LAMA3: variants seen among roughly 807,000 people sequenced by gnomAD.
LAMA3 encodes laminin subunit alpha-3.
In LAMA3, 281 loss-of-function variants were observed where a neutral mutation model predicts 402.0. The ratio of observed to expected loss-of-function variants is 0.70; its 90% CI spans 0.63 to 0.77. The LOEUF is 0.77. Ranked by LOEUF, LAMA3 falls within the 30% of genes least tolerant of loss-of-function variation. The probability of loss-of-function intolerance (pLI) is 0.00; values close to 1 mark genes in which losing one functional copy is unlikely to be tolerated. For synonymous variants in LAMA3, 1,431 were observed against 1,558.4 expected, an observed-to-expected ratio of 0.92 and a Z score of 1.93; for missense variants, 3,840 against 4,215.5, an observed-to-expected ratio of 0.91 and a Z score of 2.47.
At chr18:23,799,925 G>C (rs1376957891) in intron 12 of LAMA3, among the ~76,000 whole-genome samples, 1 of 152,144 alleles carries the variant, frequency 6.6e-6, no homozygotes, top group Non-Finnish European at 1.5e-5. Context: ...TAGCCTTTTT[G>C]TCTTAAGACT....
chr18:23,837,539 T>C (rs972241544), intron 25 of LAMA3, among the ~76,000 whole-genome samples: 1 of 134,126 alleles, frequency 7.5e-6, no homozygotes. Context: ...ACTAAAAAAC[T>C]ATTTCAAAAA....
intron 15 of LAMA3, 54 bp downstream of exon 15, chr18:23,814,556 T>A: frequency 2.6e-6 from 3 of 1,153,408 alleles, no homozygotes; most frequent in Non-Finnish European, 3.9e-6. Flanking sequence ...CTTAATTTTC[T>A]CTGCCTCAGT....
At chr18:23,828,564 A>T (rs2063430866) in intron 23 of LAMA3, among the ~76,000 whole-genome samples, 1 of 152,144 alleles carries the variant, frequency 6.6e-6, no homozygotes, top group African/African-American at 2.4e-5. Flanking sequence ...ATACACGTAC[A>T]TATACAGGTA....
Position 23,931,119 on chromosome 18 carries a change from A to AG in LAMA3, c.8495dup (p.Ser2832ArgfsTer7). ...TTACATTGAATTGAGCACCAGCGAT[A>AG]GCGGCGGCCCAATTTTTAAATCTCC... On this transcript the variant is annotated frameshift_variant, in exon 65 of 75. Transcript: ENST00000313654. LOFTEE classifies it high-confidence loss of function. 6.2e-7 allele frequency: 1 copy of AG among 1,613,098 alleles called. No homozygotes were observed. Among genetic ancestry groups the AG allele is most frequent in the Non-Finnish European group, 8.5e-7 (1 of 1,179,018 alleles).
intron 12 of LAMA3, among the ~76,000 whole-genome samples, chr18:23,807,457 AGTGTGT>A (rs35332291): frequency 0.051 from 7,555 of 149,058 alleles, 438 homozygotes; most frequent in Admixed American, 0.18. Flanking sequence ...ATATTGTGTG[AGTGTGT>A]GTGTGTGTGT....
Position 23,827,562 on chromosome 18 carries a change from G to A in LAMA3, c.2823+95G>A, listed in dbSNP as rs2063409253. 4.4e-6 allele frequency: 6 copies of A among 1,358,690 alleles called. No homozygotes were observed. The South Asian group carries it at 7.6e-5, about 17-fold the overall frequency. The allele number at this position is 1,358,690 out of a possible 1,614,324, so 84.2% of individuals were successfully genotyped here. On this transcript the variant is annotated intron_variant, in intron 23 of 74. Transcript: ENST00000313654. ...GCCACAGTTGCTTCTCAAATTCAGG[G>A]GAACCTGGAAGAATTTCTCAGAGGT...
At chr18:23,811,262 C>T (rs186389812) in intron 13 of LAMA3, among the ~76,000 whole-genome samples, 26 of 152,252 alleles carry the variant, frequency 1.7e-4, no homozygotes, top group Admixed American at 1.7e-3. Flanking sequence ...ACCAGTAGCT[C>T]TTGTCAATTT....
intron 2 of LAMA3, among the ~76,000 whole-genome samples, chr18:23,727,427 G>A (rs1348188917): frequency 6.6e-6 from 1 of 152,160 alleles, no homozygotes; most frequent in African/African-American, 2.4e-5. Context: ...CTGGGTTCAA[G>A]CCATTTTCCT....
chr18:23,757,258 C>T (rs969912119), intron 6 of LAMA3, among the ~76,000 whole-genome samples: 2 of 152,064 alleles, frequency 1.3e-5, no homozygotes, highest in Non-Finnish European at 2.9e-5. Context: ...GCCTGGCTCA[C>T]GCTCCTGAGG....
At chr18:23,742,340 C>A (rs1185192500) in intron 2 of LAMA3, among the ~76,000 whole-genome samples, 1 of 152,076 alleles carries the variant, frequency 6.6e-6, no homozygotes, top group Non-Finnish European at 1.5e-5. Flanking sequence ...ACAAAAGAGA[C>A]CTGACGACTC....
At chr18:23,791,734 TAA>T (rs11348422) in intron 12 of LAMA3, among the ~76,000 whole-genome samples, 6,642 of 89,720 alleles carry the variant, frequency 0.074, 176 homozygotes, top group Non-Finnish European at 0.097. Context: ...AGAATTTGTC[TAA>T]AAAAAAAAAA....
chr18:23,758,130 TG>T (rs1464083388), intron 6 of LAMA3, among the ~76,000 whole-genome samples: 1 of 152,242 alleles, frequency 6.6e-6, no homozygotes, highest in African/African-American at 2.4e-5. Flanking sequence ...GTTGGAAGTC[TG>T]GCTCTCCATT....
chr18:23,900,252 G>A (rs2081025179), intron 47 of LAMA3, among the ~76,000 whole-genome samples: 2 of 152,072 alleles, frequency 1.3e-5, no homozygotes, highest in African/African-American at 4.8e-5. Context: ...TATATTTTTA[G>A]TAGAGACAGG....
At chr18:23,906,429 TTTAC>T (rs1336071095) in intron 52 of LAMA3, among the ~76,000 whole-genome samples, 1 of 152,206 alleles carries the variant, frequency 6.6e-6, no homozygotes, top group African/African-American at 2.4e-5. Context: ...TTTCATGTAT[TTTAC>T]TTACTTATTT....
chr18:23,895,143 A>C (rs1235698684), intron 44 of LAMA3, 85 bp downstream of exon 44: 1 of 1,464,744 alleles, frequency 6.8e-7, no homozygotes, highest in African/African-American at 1.4e-5. Flanking sequence ...GGAAAGGTTG[A>C]CTCCTGGAAA....
In LAMA3 at chr18:23,861,810, A is replaced by G; in HGVS notation, c.4584+3A>G. 1 of 1,611,548 alleles carries G rather than the reference A, an allele frequency of 6.2e-7. No homozygotes were observed. Among genetic ancestry groups the G allele is most frequent in the Non-Finnish European group, 8.5e-7 (1 of 1,178,644 alleles). The stretch of plus-strand genomic sequence containing the variant: ...CCACCTCCTACCTGGGGGACAAGGT[A>G]ATGATGTCCTGCTGTTCTTCTGGGC... On this transcript the variant is annotated splice_donor_region_variant and intron_variant, in intron 35 of 74. Transcript: ENST00000313654.
chr18:23,861,152 C>G (rs1458885883), intron 34 of LAMA3, among the ~76,000 whole-genome samples: 2 of 150,960 alleles, frequency 1.3e-5, no homozygotes, highest in Non-Finnish European at 2.9e-5. Context: ...TAATCCAATC[C>G]TATGCTTGCT....
At chr18:23,745,253 CAT>C (rs796426947) in intron 2 of LAMA3, among the ~76,000 whole-genome samples, 7 of 151,952 alleles carry the variant, frequency 4.6e-5, no homozygotes, top group African/African-American at 1.7e-4. Context: ...AGGTGAAAAG[CAT>C]ATGAGTATTC....
chr18:23,807,090 A>G (rs2062976865), intron 12 of LAMA3, among the ~76,000 whole-genome samples: 2 of 152,148 alleles, frequency 1.3e-5, no homozygotes, highest in Non-Finnish European at 1.5e-5. Flanking sequence ...TGCTTTATTC[A>G]CTATTGGAAC....
Sources: gnomAD v4.1 joint callset for allele counts (sites outside exome capture counted in the v4.1 genomes callset) on GRCh38, gnomAD v4.1.1 for gene constraint, MANE v1.5 for transcripts, NCBI Gene and HGNC (gene_info 2026-07-23, HGNC 2026-07-21) for gene names.